The following NLRP14 variants were observed in gnomAD, a reference collection of about 807,000 sequenced individuals.
NLRP14 encodes the protein NLR family pyrin domain containing 14.
NLRP14 carries 105 observed loss-of-function variants against 94.7 expected under a neutral mutation model. The ratio of observed to expected loss-of-function variants is 1.11; its 90% confidence interval spans 0.95 to 1.30. NLRP14 has a LOEUF of 1.30. NLRP14 is among the 50% of genes most tolerant of loss of function. The pLI is 0.00. For synonymous variants in NLRP14, 508 were observed against 459.9 expected, an observed-to-expected ratio of 1.10 and a Z score of -1.34; for missense variants, 1,362 against 1,254.1, an observed-to-expected ratio of 1.09 and a Z score of -1.30.
rs143979104 is a variant in NLRP14, at chr11:7,058,334, C to T, written c.2517C>T (p.Leu839=). Residue 839 remains leucine, a synonymous_variant, in exon 8 of 12, where the codon CTC becomes CTT. Transcript: ENST00000299481. The stretch of plus-strand genomic sequence containing the variant: ...GCTGTGAGTATCTTTCTTTGGCTCT[C>T]ATCAGCAATAAAAGACTGACACATT... ...EAGCEYLSLA[L]ISNKRLTHLC... 2.5e-6 allele frequency: 4 copies of T among 1,612,640 alleles called. No homozygotes were observed. The highest frequency in any genetic ancestry group is 3.4e-6 in the Non-Finnish European group (4 of 1,178,912).
chr11:7,051,957 ATAT>A (rs1335891597), intron 6 of NLRP14, among the ~76,000 whole-genome samples: 1 of 152,148 alleles, frequency 6.6e-6, no homozygotes, highest in Non-Finnish European at 1.5e-5. Flanking sequence ...CTTTACTATA[ATAT>A]TTACCCAAGG....
chr11:7,050,720 T>C (rs1036166311), intron 6 of NLRP14, among the ~76,000 whole-genome samples: 1 of 152,166 alleles, frequency 6.6e-6, no homozygotes, highest in Non-Finnish European at 1.5e-5. Context: ...TCGGTTTTTA[T>C]AAGATGGAAT....
chr11:7,052,422 C>T (rs1852453818), intron 6 of NLRP14, among the ~76,000 whole-genome samples: 3 of 152,188 alleles, frequency 2.0e-5, no homozygotes, highest in Admixed American at 6.5e-5. Context: ...CACTTGAGGC[C>T]AGTAATTTGA....
chr11:7,078,927 A>G, the NLRP14 span, among the ~76,000 whole-genome samples: 1 of 152,334 alleles, frequency 6.6e-6, no homozygotes, highest in East Asian at 1.9e-4. Context: ...CCAGAACTCA[A>G]TCCCTGAAGA....
chr11:7,084,430 C>A, the NLRP14 span, among the ~76,000 whole-genome samples: 1 of 152,144 alleles, frequency 6.6e-6, no homozygotes, highest in Non-Finnish European at 1.5e-5. Flanking sequence ...CCAGAAATAC[C>A]AAGCCATGAT....
chr11:7,069,021 T>C (rs1852750027), intron 10 of NLRP14, among the ~76,000 whole-genome samples: 1 of 152,240 alleles, frequency 6.6e-6, no homozygotes, highest in African/African-American at 2.4e-5. Flanking sequence ...AGTGATTTTT[T>C]TCCAGATAAC....
rs1049958960 is a variant in NLRP14 at position 7,029,078 on chromosome 11, T to C, written c.-22+8308T>C. 4.6e-5 allele frequency among the ~76,000 whole-genome samples: 7 copies of C among 152,218 alleles called. No individual in the cohort carries two copies. In the East Asian group the frequency reaches 1.2e-3, roughly 25 times the overall value. ...GGATACATACCAGAGAATTGATATG[T>C]TCAATGTGTATTGTTTATTGGGAGG... On this transcript the variant is annotated intron_variant, in intron 1 of 11. Coordinates refer to ENST00000299481, the MANE Select transcript of NLRP14 (RefSeq NM_176822.4).
intron 1 of NLRP14, among the ~76,000 whole-genome samples, chr11:7,035,010 C>A (rs1852141882): frequency 6.6e-6 from 1 of 152,084 alleles, no homozygotes; most frequent in South Asian, 2.1e-4. Context: ...TTAGGCCAGG[C>A]ACCATGGCTC....
chr11:7,050,199 T>C (rs1322930234), intron 6 of NLRP14, among the ~76,000 whole-genome samples: 2 of 152,250 alleles, frequency 1.3e-5, no homozygotes, highest in Non-Finnish European at 2.9e-5. Context: ...CAGTGGGGGA[T>C]GTTCTTTAAT....
At chr11:7,089,676 G>A in the NLRP14 span, 1 of 1,483,036 alleles carries the variant, frequency 6.7e-7, no homozygotes, top group Admixed American at 2.2e-5. Flanking sequence ...GGCCGTGCGG[G>A]GGCGAGACGG....
chr11:7,088,352 CA>C, the NLRP14 span, among the ~76,000 whole-genome samples: 62 of 152,174 alleles, frequency 4.1e-4, no homozygotes, highest in Middle Eastern at 3.4e-3. Flanking sequence ...AACTGAACAA[CA>C]ATGAAAACAA....
intron 1 of NLRP14, among the ~76,000 whole-genome samples, chr11:7,026,239 T>C (rs1189014313): frequency 6.6e-6 from 1 of 151,792 alleles, no homozygotes; most frequent in Admixed American, 6.6e-5. Context: ...TGGGAGAAAA[T>C]TTTCGCAACC....
At position 7,067,036 on chromosome 11, in the gene NLRP14, C is replaced by G. The variant is rs187203970; in HGVS notation, c.2976-3250C>G. Among the ~76,000 whole-genome samples the G allele has an allele frequency of 1.6e-4, 24 of 152,084 alleles. No homozygotes were observed. The East Asian group carries it at 3.5e-3, about 22-fold the overall frequency. On this transcript the variant is annotated intron_variant, in intron 10 of 11. Coordinates refer to ENST00000299481, the MANE Select transcript of NLRP14 (RefSeq NM_176822.4). Reference sequence around the variant, plus strand: ...TAGGTGTGTGGTGATATTTCTGAGGCTTTTGCTCTGTTCCATTGGTCTATA... The same window carrying G: ...TAGGTGTGTGGTGATATTTCTGAGGGTTTTGCTCTGTTCCATTGGTCTATA...
rs771072431 is a variant in NLRP14 at position 7,038,665 on chromosome 11, T to A, written c.79T>A (p.Leu27Ile). The A allele has an allele frequency of 2.0e-5, 32 of 1,613,720 alleles. No individual in the cohort carries two copies. Among genetic ancestry groups the A allele is most frequent in the Non-Finnish European group, 2.6e-5 (31 of 1,179,740 alleles). ...TTTGGAGGAGCTAAACAAAGAGGAA[T>A]TAAATACATTCAAGTTATTCCTAAA... ...LYLEELNKEE[L>I]NTFKLFLKET... Residue 27 changes from leucine to isoleucine, a missense_variant, in exon 2 of 12, where the codon TTA becomes ATA. Transcript: ENST00000299481.
rs765016876 is a variant in NLRP14 at position 7,057,662 on chromosome 11, T to G, written c.2292-15T>G. The G allele has an allele frequency of 2.5e-6, 4 of 1,610,588 alleles. No individual in the cohort carries two copies. Among genetic ancestry groups the G allele is most frequent in the Non-Finnish European group, 3.4e-6 (4 of 1,177,472 alleles). Reference sequence around the variant, plus strand: ...TAAGGAGTGGTCATTCCTGCTTTTCTGTGTTGTTTTCCAGGCTGGAATCTT... The same window carrying G: ...TAAGGAGTGGTCATTCCTGCTTTTCGGTGTTGTTTTCCAGGCTGGAATCTT... On this transcript the variant is annotated splice_polypyrimidine_tract_variant and intron_variant, in intron 6 of 11. Coordinates refer to ENST00000299481, the MANE Select transcript of NLRP14 (RefSeq NM_176822.4).
chr11:7,043,805 G>A lies in NLRP14; in HGVS notation c.1779G>A (p.Ala593=), dbSNP rs368365867. The A allele has an allele frequency of 3.7e-5, 60 of 1,614,150 alleles. No individual in the cohort carries two copies. Among genetic ancestry groups the A allele is most frequent in the South Asian group, 1.8e-4 (16 of 91,078 alleles). Residue 593 remains alanine (A), a synonymous_variant, in exon 4 of 12, where the codon GCG becomes GCA. Transcript: ENST00000299481. ...FHCLYETQDK[A]FISQAMRCFP... ...GTCTGTATGAGACTCAAGATAAAGC[G>A]TTTATAAGCCAGGCAATGAGATGTT...
At chr11:7,072,390 G>T (rs528105087), downstream of NLRP14, among the ~76,000 whole-genome samples, 37 of 152,366 alleles carry the variant, frequency 2.4e-4, no homozygotes, top group African/African-American at 8.2e-4. Context: ...TCAGAGGAAA[G>T]AATTCAACTG....
rs1852282540 is a variant in NLRP14 at position 7,042,887 on chromosome 11, C to T, written c.861C>T (p.Phe287=). ...GGACCCAAGAACACCCAGTGTCCTT[C>T]CTCATGAGTAGTTTGCTGAGGAAAG... ...EDWTQEHPVS[F]LMSSLLRKVM... Residue 287 remains phenylalanine, a synonymous_variant, in exon 4 of 12, where the codon TTC becomes TTT. Coordinates refer to ENST00000299481, the MANE Select transcript of NLRP14 (RefSeq NM_176822.4). 3 of 1,613,996 alleles carry T rather than the reference C, an allele frequency of 1.9e-6. No individual in the cohort carries two copies. In the African/African-American group the frequency reaches 4.0e-5, roughly 22 times the overall value.
intron 10 of NLRP14, among the ~76,000 whole-genome samples, chr11:7,064,382 C>A (rs1248177051): frequency 6.6e-6 from 1 of 152,082 alleles, no homozygotes; most frequent in African/African-American, 2.4e-5. Flanking sequence ...CTGTCAGCTG[C>A]AGTTGCTGCT....
Sources: gnomAD v4.1 joint callset for allele counts (sites outside exome capture counted in the v4.1 genomes callset) on GRCh38, gnomAD v4.1.1 for gene constraint, MANE v1.5 for transcripts, NCBI Gene and HGNC (gene_info 2026-07-23, HGNC 2026-07-21) for gene names.